The following NBPF11 variants were observed in gnomAD, a reference collection of about 807,000 sequenced individuals.
The protein encoded by NBPF11 is NBPF member 11.
NBPF11 carries 72 observed loss-of-function variants against 93.9 expected under a neutral mutation model. That is an observed-to-expected ratio of 0.77 (90% CI 0.63 to 0.93). The LOEUF (loss-of-function observed/expected upper bound fraction) is 0.93, where lower values mean the gene tolerates loss of function less well. Ranked by LOEUF, NBPF11 falls within the 40% of genes least tolerant of loss-of-function variation. The pLI is 0.00. For missense variants in NBPF11, 705 were observed against 802.2 expected, an observed-to-expected ratio of 0.88 and a Z score of 1.46; for synonymous variants, 224 against 304.9, an observed-to-expected ratio of 0.73 and a Z score of 2.76.
chr1:148,127,907 G>A (rs1285620899), intron 4 of NBPF11, among the ~76,000 whole-genome samples: 15 of 151,672 alleles, frequency 9.9e-5, no homozygotes, highest in South Asian at 4.2e-4. Context: ...CTGCCGCCTC[G>A]GCCTCCCAAA....
chr1:148,135,957 G>C, intron 3 of NBPF11, 144 bp from the exon 4 acceptor site: 2 of 640,760 alleles, frequency 3.1e-6, no homozygotes, highest in South Asian at 3.6e-5. Flanking sequence ...TTCTTTACAT[G>C]ATTAAACTCC....
At chr1:148,135,647 A>C in intron 4 of NBPF11, 25 bp downstream of exon 4, 1 of 602,988 alleles carries the variant, frequency 1.7e-6, no homozygotes, top group Non-Finnish European at 2.9e-6. Context: ...ATCTTTCAGA[A>C]AGCTCTCTGT....
intron 2 of NBPF11, among the ~76,000 whole-genome samples, 174 bp from the exon 3 acceptor site, chr1:148,137,983 C>G (rs1243105252): frequency 6.0e-5 from 9 of 150,512 alleles, no homozygotes; most frequent in African/African-American, 2.0e-4. Context: ...CCCATGCCTG[C>G]ACTGGCCTCT....
At chr1:148,115,320 C>G (rs1453944227) in intron 14 of NBPF11, among the ~76,000 whole-genome samples, 1 of 150,504 alleles carries the variant, frequency 6.6e-6, no homozygotes, top group Non-Finnish European at 1.5e-5. Flanking sequence ...AGTTTCCATC[C>G]TGATTTCAGG....
At chr1:148,146,957 C>T (rs1240179919) in intron 1 of NBPF11, 4 of 1,549,568 alleles carry the variant, frequency 2.6e-6, no homozygotes, top group Non-Finnish European at 3.5e-6. Context: ...AGCCTGGGCA[C>T]ACCCAAGAGG....
Position 148,152,070 on chromosome 1 carries a change from T to C in NBPF11, c.-869A>G, listed in dbSNP as rs1648520720. 2 of 152,090 alleles carry C rather than the reference T, an allele frequency of 1.3e-5. No homozygotes were observed. The highest frequency in any genetic ancestry group is 1.5e-5 in the Non-Finnish European group (1 of 68,110). The allele number at this position is 152,090 out of a possible 1,614,324, so 9.4% of individuals were successfully genotyped here. On this transcript the variant is annotated 5_prime_UTR_variant, in exon 1 of 24. Coordinates refer to ENST00000682118, the MANE Select transcript of NBPF11 (RefSeq NM_001385469.3). Reference sequence around the variant, plus strand: ...CCGGCTGCCTCTACCGCACAGCGGGTTCGGGCCGCGGGCCGAGAAAAGGAG... The same window carrying C: ...CCGGCTGCCTCTACCGCACAGCGGGCTCGGGCCGCGGGCCGAGAAAAGGAG...
intron 10 of NBPF11, among the ~76,000 whole-genome samples, chr1:148,119,681 A>C (rs1200011193): frequency 1.3e-5 from 2 of 151,724 alleles, no homozygotes; most frequent in African/African-American, 2.4e-5. Flanking sequence ...TTTTTTTAAC[A>C]GTCTTGCCCT....
At chr1:148,125,545 GAAGAA>G (rs1209873200) in intron 5 of NBPF11, among the ~76,000 whole-genome samples, 1 of 152,046 alleles carries the variant, frequency 6.6e-6, no homozygotes, top group Non-Finnish European at 1.5e-5. Flanking sequence ...ATAAGGCCAT[GAAGAA>G]AATATGCCCA....
At chr1:148,122,638 T>A in intron 8 of NBPF11, 91 bp downstream of exon 8, 1 of 1,561,864 alleles carries the variant, frequency 6.4e-7, no homozygotes, top group Admixed American at 1.7e-5. Flanking sequence ...AATGCGGGCT[T>A]TTGGCCCATC....
At chr1:148,140,940 T>C (rs1672067121) in intron 2 of NBPF11, among the ~76,000 whole-genome samples, 1 of 151,982 alleles carries the variant, frequency 6.6e-6, no homozygotes, top group Non-Finnish European at 1.5e-5. Context: ...AAACAAACTG[T>C]GTTGTAGCCA....
chr1:148,114,174 G>C (rs1390070822), intron 15 of NBPF11, among the ~76,000 whole-genome samples: 1 of 145,350 alleles, frequency 6.9e-6, no homozygotes, highest in Non-Finnish European at 1.5e-5. Context: ...ATGAATCCAG[G>C]GCTGGTTTTT....
intron 1 of NBPF11, chr1:148,149,164 C>G (rs1176418582): frequency 2.6e-5 from 41 of 1,588,700 alleles, no homozygotes; most frequent in Non-Finnish European, 3.1e-5. Flanking sequence ...CCGCCAGGTA[C>G]GGCATCAGCC....
At chr1:148,145,124 AAAAT>A (rs1672785096) in intron 1 of NBPF11, among the ~76,000 whole-genome samples, 5 of 149,196 alleles carry the variant, frequency 3.4e-5, no homozygotes, top group Admixed American at 2.0e-4. Flanking sequence ...TGCAAAAACT[AAAAT>A]AAAATTGCTA....
At chr1:148,141,721 T>C (rs1209844831) in intron 2 of NBPF11, among the ~76,000 whole-genome samples, 2 of 151,646 alleles carry the variant, frequency 1.3e-5, no homozygotes, top group African/African-American at 4.9e-5. Context: ...GTGCAAACCA[T>C]CTAGGTGGGC....
chr1:148,151,476 G>A (rs1320752623), intron 1 of NBPF11, among the ~76,000 whole-genome samples: 7 of 152,136 alleles, frequency 4.6e-5, no homozygotes, highest in East Asian at 3.9e-4. Context: ...AAGCTGCTCC[G>A]TCCCTCCACC....
At chr1:148,111,141 C>A (rs1665159166) in intron 15 of NBPF11, among the ~76,000 whole-genome samples, 1 of 151,290 alleles carries the variant, frequency 6.6e-6, no homozygotes, top group Non-Finnish European at 1.5e-5. Context: ...CAAACTCCAA[C>A]AGACCTGAAG....
intron 14 of NBPF11, among the ~76,000 whole-genome samples, chr1:148,115,311 G>T (rs1350994543): frequency 1.3e-5 from 2 of 149,298 alleles, no homozygotes; most frequent in East Asian, 2.0e-4. Context: ...AAGAAGAAAA[G>T]TTTCCATCCT....
rs1648510712 is a variant in NBPF11 at position 148,152,042 on chromosome 1, G to A, written c.-841C>T. The A allele has an allele frequency of 6.6e-6, 1 of 152,128 alleles. No homozygotes were observed. The highest frequency in any genetic ancestry group is 6.5e-5 in the Admixed American group (1 of 15,276). 9.4% of individuals were successfully genotyped at this position (152,128 alleles called of 1,614,324 possible). ...CACAGGCGCAGCTGGGCCTTAAAGGGACCCGGCTGCCTCTACCGCACAGCG... is the reference window on the plus strand; with the variant it reads ...CACAGGCGCAGCTGGGCCTTAAAGGAACCCGGCTGCCTCTACCGCACAGCG... On this transcript the variant is annotated 5_prime_UTR_variant, in exon 1 of 24. Coordinates refer to ENST00000682118, the MANE Select transcript of NBPF11 (RefSeq NM_001385469.3).
intron 1 of NBPF11, chr1:148,149,692 G>A: frequency 1.5e-6 from 1 of 662,504 alleles, no homozygotes; most frequent in Non-Finnish European, 2.5e-6. Flanking sequence ...CCCGACCCAG[G>A]GGCTGTGGAC....
Sources: allele counts gnomAD v4.1 joint callset (sites outside exome capture counted in the v4.1 genomes callset), GRCh38; gene constraint gnomAD v4.1.1; transcripts MANE v1.5; gene names NCBI Gene and HGNC (gene_info 2026-07-23, HGNC 2026-07-21).